Variants in PCLO observed in about 807,000 individuals in gnomAD.
PCLO encodes piccolo presynaptic cytomatrix protein.
Under a neutral mutation model 427.5 loss-of-function variants are expected in PCLO, and 82 were observed. The observed-to-expected ratio is 0.19, with a 90% CI of 0.16 to 0.23. PCLO has a LOEUF of 0.23. Among genes scored for constraint, PCLO ranks in the 10% least tolerant of loss-of-function variants. PCLO has a pLI of 1.00. For synonymous variants in PCLO, 2,357 were observed against 2,155.4 expected (o/e 1.09, Z -2.59); for missense variants, 6,239 against 6,115.9 (o/e 1.02, Z -0.67).
chr7:82,974,886 C>A (rs1484285694), intron 3 of PCLO, among the ~76,000 whole-genome samples: 2 of 152,004 alleles, frequency 1.3e-5, no homozygotes, highest in Non-Finnish European at 2.9e-5. Flanking sequence ...TCATGCCATT[C>A]TCCTGCCTCA....
chr7:82,828,943 T>G (rs1346888223), intron 16 of PCLO, among the ~76,000 whole-genome samples: 2 of 152,164 alleles, frequency 1.3e-5, no homozygotes, highest in Non-Finnish European at 2.9e-5. Context: ...TGTCTGGATT[T>G]CACAAGTTGC....
intron 9 of PCLO, among the ~76,000 whole-genome samples, chr7:82,895,756 T>C (rs1185110129): frequency 6.6e-6 from 1 of 151,788 alleles, no homozygotes; most frequent in Non-Finnish European, 1.5e-5. Context: ...CCAAAACTGA[T>C]TGAAGAAGAA....
At chr7:82,827,347 C>G (rs2715151) in intron 17 of PCLO, among the ~76,000 whole-genome samples, 86,336 of 151,770 alleles carry the variant, frequency 0.57, 25,583 homozygotes, top group East Asian at 0.85. Flanking sequence ...TTACTTATCT[C>G]TGGTGATAAT....
At chr7:83,128,786 A>T (rs1378766134) in intron 3 of PCLO, among the ~76,000 whole-genome samples, 2 of 152,172 alleles carry the variant, frequency 1.3e-5, no homozygotes, top group African/African-American at 4.8e-5. Flanking sequence ...AGAAAGGCAG[A>T]TAAATCATTT....
rs754196073 is a variant in PCLO at position 82,953,689 on chromosome 7, G to A, written c.7264C>T (p.Pro2422Ser). 5.1e-6 allele frequency: 6 copies of A among 1,179,896 alleles called. No homozygotes were observed. The highest frequency in any genetic ancestry group is 5.2e-5 in the East Asian group (2 of 38,390). The allele number at this position is 1,179,896 out of a possible 1,614,324, so 73.1% of individuals were successfully genotyped here. Residue 2422 changes from proline to serine, a missense_variant, in exon 5 of 25, where the codon CCT becomes TCT. Coordinates refer to ENST00000333891, the MANE Select transcript of PCLO (RefSeq NM_033026.6). Reference protein sequence around the residue: ...PPPPPPPPPPPPPPPLPPPTS... With the variant: ...PPPPPPPPPPSPPPPLPPPTS... ...GGTGGAGGAAGTGGTGGGGGAGGAG[G>A]GGGTGGTGGTGGAGGAGGAGGAGGA...
chr7:82,847,591 A>G (rs1000889092), intron 10 of PCLO, among the ~76,000 whole-genome samples: 4 of 152,202 alleles, frequency 2.6e-5, no homozygotes, highest in Non-Finnish European at 5.9e-5. Flanking sequence ...ACAAACAAAC[A>G]ATTAGAAACC....
intron 3 of PCLO, among the ~76,000 whole-genome samples, chr7:82,976,586 A>T (rs1430135271): frequency 1.3e-5 from 2 of 152,206 alleles, no homozygotes; most frequent in Non-Finnish European, 2.9e-5. Flanking sequence ...TATGCAAAGT[A>T]ATTCTAACAA....
intron 3 of PCLO, among the ~76,000 whole-genome samples, chr7:83,130,714 A>G (rs1791548962): frequency 6.6e-6 from 1 of 152,180 alleles, no homozygotes; most frequent in South Asian, 2.1e-4. Flanking sequence ...GCCATTTTTG[A>G]GTATTTAATG....
intron 7 of PCLO, among the ~76,000 whole-genome samples, chr7:82,912,437 T>A (rs577005360): frequency 6.6e-6 from 1 of 152,018 alleles, no homozygotes; most frequent in East Asian, 1.9e-4. Context: ...TTAGAAGTAA[T>A]CACTACAATT....
chr7:82,977,788 A>G (rs187404647), intron 3 of PCLO, among the ~76,000 whole-genome samples: 84 of 152,294 alleles, frequency 5.5e-4, no homozygotes, highest in Non-Finnish European at 1.1e-3. Flanking sequence ...CATTGATCCA[A>G]TTAAAGAAAT....
At chr7:83,141,987 A>G (rs1791873673) in intron 2 of PCLO, among the ~76,000 whole-genome samples, 1 of 152,122 alleles carries the variant, frequency 6.6e-6, no homozygotes, top group African/African-American at 2.4e-5. Context: ...TCCTGCTCAG[A>G]ATTATTATTA....
chr7:83,095,514 G>C (rs911185855), intron 3 of PCLO, among the ~76,000 whole-genome samples: 1 of 151,560 alleles, frequency 6.6e-6, no homozygotes, highest in Non-Finnish European at 1.5e-5. Context: ...TAAGGTAGGA[G>C]CTTAGATTAT....
At chr7:82,878,701 C>T (rs1275248405) in intron 10 of PCLO, among the ~76,000 whole-genome samples, 5 of 152,046 alleles carry the variant, frequency 3.3e-5, no homozygotes, top group Non-Finnish European at 4.4e-5. Context: ...TGTAATGAGG[C>T]GATTAGTATC....
chr7:83,066,159 T>A lies in PCLO; in HGVS notation c.3300+68091A>T, dbSNP rs149792041. 8.5e-3 allele frequency among the ~76,000 whole-genome samples: 1,292 copies of A among 152,272 alleles called. 12 individuals are homozygous for A. The highest frequency in any genetic ancestry group is 0.014 in the Non-Finnish European group (932 of 67,972). On this transcript the variant is annotated intron_variant, in intron 3 of 24. Coordinates refer to ENST00000333891, the MANE Select transcript of PCLO (RefSeq NM_033026.6). ...CTATGAAAAGTTATTGCTAACCCAA[T>A]GACTTCCAGCTCTACAGAAGTCAAT...
chr7:82,756,600 C>T lies in PCLO; in HGVS notation c.*1975G>A, dbSNP rs1387998042. On this transcript the variant is annotated 3_prime_UTR_variant, in exon 25 of 25. Transcript: ENST00000333891. The stretch of plus-strand genomic sequence containing the variant: ...TCTCTTATTTTTAGTGCTTTACAGT[C>T]CTCTCAAATTTAGAGCATTTTTTCT... The T allele has an allele frequency of 3.3e-5, 5 of 151,774 alleles. No individual in the cohort carries two copies. The highest frequency in any genetic ancestry group is 5.9e-5 in the Non-Finnish European group (4 of 67,934). 9.4% of individuals were successfully genotyped at this position (151,774 alleles called of 1,614,324 possible).
chr7:82,917,966 TTTG>T (rs1407763743), intron 6 of PCLO, among the ~76,000 whole-genome samples: 7 of 152,108 alleles, frequency 4.6e-5, no homozygotes, highest in African/African-American at 7.2e-5. Context: ...ATAATTTTTA[TTTG>T]TTTTCTGTTA....
chr7:83,080,599 A>C (rs201830028), intron 3 of PCLO, among the ~76,000 whole-genome samples: 1 of 152,068 alleles, frequency 6.6e-6, no homozygotes, highest in East Asian at 1.9e-4. Flanking sequence ...TGCTCTCCCC[A>C]ATGTTGTGAA....
intron 16 of PCLO, among the ~76,000 whole-genome samples, chr7:82,830,180 A>G (rs148107941): frequency 1.7e-3 from 254 of 152,066 alleles, no homozygotes; most frequent in African/African-American, 5.9e-3. Flanking sequence ...AAACAAATAT[A>G]GCAAAATCTT....
chr7:82,950,811 C>G lies in PCLO; in HGVS notation c.9777G>C (p.Glu3259Asp). The G allele has an allele frequency of 1.4e-5, 22 of 1,613,700 alleles. No individual in the cohort carries two copies. The highest frequency in any genetic ancestry group is 1.7e-5 in the Non-Finnish European group (20 of 1,179,830). The change falls in exon 6 of 25, where the codon GAG (glutamate) becomes GAC (aspartate). Residue 3259 changes from glutamate (E) to aspartate (D), a missense_variant. Around this residue, in one of 5 missense-constraint regions of PCLO, gnomAD observed 4,677 missense variants for 4,468.4 expected, o/e 1.05. Coordinates refer to ENST00000333891, the MANE Select transcript of PCLO (RefSeq NM_033026.6). ...EKIMVQKKLEELQSMKQHLLF... is the reference protein window; with the variant it reads ...EKIMVQKKLEDLQSMKQHLLF... ...GAAGGTGTTGCTTCATAGACTGCAG[C>G]TCCTCCAACTTTTTCTGAACCATGA...
Sources: allele counts gnomAD v4.1 joint callset (sites outside exome capture counted in the v4.1 genomes callset), GRCh38; gene constraint gnomAD v4.1.1; regional missense constraint gnomAD v4.1.1; transcripts MANE v1.5; gene names NCBI Gene and HGNC (gene_info 2026-07-23, HGNC 2026-07-21).